PLCB1: variants seen among roughly 807,000 people sequenced by gnomAD.
The protein encoded by PLCB1 is phospholipase C beta 1.
A neutral mutation model predicts 161.8 loss-of-function variants in PLCB1; 46 were observed. The ratio of observed to expected loss-of-function variants is 0.28; its 90% confidence interval spans 0.22 to 0.36. PLCB1 has a LOEUF of 0.36. Among genes scored for constraint, PLCB1 ranks in the 10% least tolerant of loss-of-function variants. PLCB1 has a pLI of 1.00. For missense variants in PLCB1, 1,016 were observed against 1,472.5 expected, an observed-to-expected ratio of 0.69 and a Z score of 5.07; for synonymous variants, 517 against 503.7, an observed-to-expected ratio of 1.03 and a Z score of -0.35.
intron 3 of PLCB1, among the ~76,000 whole-genome samples, chr20:8,498,382 A>G (rs746308711): frequency 3.3e-5 from 5 of 152,234 alleles, no homozygotes; most frequent in Admixed American, 2.0e-4. Context: ...GGCGTGAGCC[A>G]CCACGCCCGA....
Position 8,881,815 on chromosome 20 carries a change from A to C in PLCB1, c.3617A>C (p.Asp1206Ala). 1 of 1,613,846 alleles carries C rather than the reference A, an allele frequency of 6.2e-7. No homozygotes were observed. Among genetic ancestry groups the C allele is most frequent in the African/African-American group, 1.3e-5 (1 of 75,032 alleles). ...KTPSSEELGGDIPGKEFDTPL is the reference protein window; with the variant it reads ...KTPSSEELGGAIPGKEFDTPL ...CCCTCCAGTGAGGAGCTGGGAGGAG[A>C]CATCCCAGGAAAAGAATTTGATACT... Residue 1206 changes from aspartate (D) to alanine (A), a missense_variant, in exon 32 of 32, where the codon GAC (aspartate) becomes GCC (alanine). Asp to Ala is a moderately radical substitution (Grantham distance 126). Transcript: ENST00000338037.
At chr20:8,519,814 G>A (rs2122878613) in intron 3 of PLCB1, among the ~76,000 whole-genome samples, 1 of 152,254 alleles carries the variant, frequency 6.6e-6, no homozygotes, top group East Asian at 1.9e-4. Flanking sequence ...AAGGCAATAT[G>A]AGGACATCAT....
At chr20:8,216,161 T>C (rs1228332973) in intron 2 of PLCB1, among the ~76,000 whole-genome samples, 4 of 152,232 alleles carry the variant, frequency 2.6e-5, no homozygotes, top group Non-Finnish European at 5.9e-5. Flanking sequence ...ACTGCCATAT[T>C]TGGGAGTCCT....
intron 9 of PLCB1, among the ~76,000 whole-genome samples, chr20:8,684,473 C>G (rs953537780): frequency 2.6e-5 from 4 of 151,606 alleles, no homozygotes; most frequent in African/African-American, 7.3e-5. Flanking sequence ...AGGCTGGTCT[C>G]GAGCTCCTGA....
At chr20:8,347,904 G>A (rs1161556652) in intron 2 of PLCB1, among the ~76,000 whole-genome samples, 1 of 152,042 alleles carries the variant, frequency 6.6e-6, no homozygotes, top group Non-Finnish European at 1.5e-5. Context: ...CCCGGGAGGT[G>A]GAGCTTGCAG....
chr20:8,259,881 T>C (rs1981607674), intron 2 of PLCB1, among the ~76,000 whole-genome samples: 1 of 152,196 alleles, frequency 6.6e-6, no homozygotes, highest in African/African-American at 2.4e-5. Flanking sequence ...ACACAATCAT[T>C]ACATTGATTT....
intron 2 of PLCB1, among the ~76,000 whole-genome samples, chr20:8,225,825 C>A (rs1372999968): frequency 6.6e-6 from 1 of 152,206 alleles, no homozygotes; most frequent in African/African-American, 2.4e-5. Context: ...ATACAGCTGA[C>A]ACGATTAGGT....
chr20:8,397,829 A>C lies in PLCB1; in HGVS notation c.246+26379A>C, dbSNP rs182981527. On this transcript the variant is annotated intron_variant, in intron 3 of 31. Coordinates refer to ENST00000338037, the MANE Select transcript of PLCB1 (RefSeq NM_015192.4). ...TTGTACAGCTGCATATTGCTCCACTATATGGAGGTTCTGTAGTTTTTTCAG... is the reference window on the plus strand; with the variant it reads ...TTGTACAGCTGCATATTGCTCCACTCTATGGAGGTTCTGTAGTTTTTTCAG... 5.9e-5 allele frequency among the ~76,000 whole-genome samples: 9 copies of C among 152,166 alleles called. 1 individual carries two copies. The highest frequency in any genetic ancestry group is 2.6e-4 in the Admixed American group (4 of 15,278).
intron 3 of PLCB1, among the ~76,000 whole-genome samples, chr20:8,566,987 A>G (rs1385837080): frequency 2.0e-5 from 3 of 152,164 alleles, no homozygotes; most frequent in African/African-American, 7.2e-5. Context: ...ATTGCAAGGT[A>G]GAAGGAAATA....
At chr20:8,822,911 C>A (rs1985504287) in intron 31 of PLCB1, among the ~76,000 whole-genome samples, 1 of 152,174 alleles carries the variant, frequency 6.6e-6, no homozygotes, top group Non-Finnish European at 1.5e-5. Context: ...ATGGACTCAA[C>A]CAACTGCAGA....
chr20:8,720,171 C>T lies in PLCB1; in HGVS notation c.1514-2183C>T, dbSNP rs73895117. Among the ~76,000 whole-genome samples the T allele has an allele frequency of 9.2e-3, 1,407 of 152,290 alleles. 22 individuals carry two copies. The highest frequency in any genetic ancestry group is 0.031 in the Middle Eastern group (9 of 294). ...ATCCGTTGAATGATAGCAAGCAAACCTTGTCTTCCTTTGCATGTGGGTGCT... is the reference window on the plus strand; with the variant it reads ...ATCCGTTGAATGATAGCAAGCAAACTTTGTCTTCCTTTGCATGTGGGTGCT... On this transcript the variant is annotated intron_variant, in intron 14 of 31. Transcript: ENST00000338037.
At chr20:8,606,737 T>G (rs1394415511) in intron 3 of PLCB1, among the ~76,000 whole-genome samples, 1 of 152,228 alleles carries the variant, frequency 6.6e-6, no homozygotes, top group Non-Finnish European at 1.5e-5. Flanking sequence ...GTTTATTTTA[T>G]TACTAAATGT....
chr20:8,792,331 G>C (rs886084090), intron 31 of PLCB1, among the ~76,000 whole-genome samples: 1 of 152,130 alleles, frequency 6.6e-6, no homozygotes, highest in African/African-American at 2.4e-5. Flanking sequence ...GAGTAATTAA[G>C]ATTCACTCAC....
chr20:8,683,700 A>G (rs1990277271), intron 9 of PLCB1, among the ~76,000 whole-genome samples: 1 of 152,256 alleles, frequency 6.6e-6, no homozygotes, highest in Admixed American at 6.5e-5. Context: ...ACATAGAAAA[A>G]TTTCTAAATA....
intron 3 of PLCB1, among the ~76,000 whole-genome samples, chr20:8,463,858 A>G (rs1428823469): frequency 3.3e-5 from 5 of 152,184 alleles, no homozygotes; most frequent in Non-Finnish European, 5.9e-5. Context: ...ACTACAATCA[A>G]TGCTTATAGA....
chr20:8,789,635 G>C, intron 30 of PLCB1, 60 bp downstream of exon 30: 3 of 1,230,730 alleles, frequency 2.4e-6, no homozygotes, highest in Non-Finnish European at 2.4e-6. Context: ...TGGTGAGCTC[G>C]CTGTGAGCTT....
chr20:8,779,093 G>A (rs954157470), intron 27 of PLCB1, among the ~76,000 whole-genome samples: 3 of 152,252 alleles, frequency 2.0e-5, no homozygotes, highest in Admixed American at 6.5e-5. Flanking sequence ...TAAGCCGACA[G>A]TATTTCATCT....
chr20:8,686,028 T>C (rs1990350524), intron 10 of PLCB1, among the ~76,000 whole-genome samples: 2 of 152,182 alleles, frequency 1.3e-5, no homozygotes, highest in Non-Finnish European at 2.9e-5. Context: ...TGTTATGATA[T>C]ATAACCTTGT....
At chr20:8,623,534 C>T (rs6055955) in intron 3 of PLCB1, among the ~76,000 whole-genome samples, 77,033 of 151,880 alleles carry the variant, frequency 0.51, 19,857 homozygotes, top group Admixed American at 0.61. Context: ...GGTAATGCCA[C>T]TGCGGGATAT....
Sources: gnomAD v4.1 joint callset for allele counts (sites outside exome capture counted in the v4.1 genomes callset) on GRCh38, gnomAD v4.1.1 for gene constraint, MANE v1.5 for transcripts, NCBI Gene and HGNC (gene_info 2026-07-23, HGNC 2026-07-21) for gene names.